Variants in ANAPC2 observed in about 807,000 individuals in gnomAD.
The protein encoded by ANAPC2 is anaphase promoting complex subunit 2.
A neutral mutation model predicts 84.3 loss-of-function variants in ANAPC2; 29 were observed. The observed-to-expected ratio is 0.34, with a 90% CI of 0.26 to 0.47. The LOEUF (loss-of-function observed/expected upper bound fraction) is 0.47, where lower values mean the gene tolerates loss of function less well. ANAPC2 is among the 20% of genes least tolerant of loss of function. The probability of loss-of-function intolerance (pLI) is 1.00; values close to 1 mark genes in which losing one functional copy is unlikely to be tolerated. For missense variants in ANAPC2, 857 were observed against 1,131.7 expected (o/e 0.76, Z 3.48); for synonymous variants, 571 against 479.4 (o/e 1.19, Z -2.50).
chr9:137,181,857 C>T lies in ANAPC2; in HGVS notation c.1292G>A (p.Arg431Gln), dbSNP rs1834350231. The change falls in exon 7 of 13, where the codon CGG becomes CAG. Residue 431 changes from arginine to glutamine, a missense_variant. Transcript: ENST00000323927. ...CACAATCTGCCGCACTGTGTCCTCC[C>T]GCGTCCTGCCGATGTGAGTGCTGCT... Reference protein sequence around the residue: ...CEPIRRYLRTREDTVRQIVAG... With the variant: ...CEPIRRYLRTQEDTVRQIVAG... The T allele has an allele frequency of 6.2e-7, 1 of 1,602,654 alleles. No individual in the cohort carries two copies.
chr9:137,187,979 T>C lies in ANAPC2; in HGVS notation c.242A>G (p.Asn81Ser). 1.2e-6 allele frequency: 2 copies of C among 1,613,882 alleles called. No individual in the cohort carries two copies. Among genetic ancestry groups the C allele is most frequent in the Non-Finnish European group, 1.7e-6 (2 of 1,180,024 alleles). ...AGGGGAGATGTTGGCCTGCAGATCG[T>C]TCTGCAGCACCTCCACGAACCACTC... ...LEEWFVEVLQ[N>S]DLQANISPEF... is the part of the protein sequence containing the mutation. Residue 81 changes from asparagine (N) to serine (S), a missense_variant, in exon 2 of 13, where the codon AAC becomes AGC. This residue lies in a region of ANAPC2 where 428 missense variants were observed against 513.8 expected (regional missense o/e 0.83). Coordinates refer to ENST00000323927, the MANE Select transcript of ANAPC2 (RefSeq NM_013366.4).
Position 137,175,084 on chromosome 9 carries a change from A to G in ANAPC2, c.2327T>C (p.Met776Thr). Residue 776 changes from methionine (M) to threonine (T), a missense_variant, in exon 13 of 13, where the codon ATG becomes ACG. Met to Thr is a moderately conservative substitution (Grantham distance 81). Around this residue, in one of 3 missense-constraint regions of ANAPC2, gnomAD observed 425 missense variants for 595.5 expected, o/e 0.71. Transcript: ENST00000323927. ...ESLSLDRIYN[M>T]LRMFVVTGPA... ...CCCAGTCACCACAAACATGCGGAGC[A>G]TGTTGTAGATACGATCCAGTGAGAG... The G allele has an allele frequency of 6.2e-7, 1 of 1,608,714 alleles. No individual in the cohort carries two copies. Among genetic ancestry groups the G allele is most frequent in the Non-Finnish European group, 8.5e-7 (1 of 1,178,208 alleles).
In ANAPC2 at chr9:137,175,402, G is replaced by A. The variant is rs140009201; in HGVS notation, c.2091C>T (p.Ser697=). The A allele has an allele frequency of 8.7e-4, 1,400 of 1,608,606 alleles. No homozygotes were observed. The highest frequency in any genetic ancestry group is 1.2e-3 in the Admixed American group (72 of 59,674). ...GCAGCACACCCTGCTGCAGCCACACGGACATCCGCCGCCGCAGCAGCGCCA... is the reference window on the plus strand; with the variant it reads ...GCAGCACACCCTGCTGCAGCCACACAGACATCCGCCGCCGCAGCAGCGCCA... ...MPVALLRRRM[S]VWLQQGVLRE... is the part of the protein sequence containing the mutation. The change falls in exon 12 of 13, where the codon TCC becomes TCT. Residue 697 remains serine (S), a synonymous_variant. Transcript: ENST00000323927.
Position 137,187,987 on chromosome 9 carries a change from C to T in ANAPC2, c.234G>A (p.Val78=), listed in dbSNP as rs1271338164. The T allele has an allele frequency of 1.2e-6, 2 of 1,613,758 alleles. No individual in the cohort carries two copies. Among genetic ancestry groups the T allele is most frequent in the Non-Finnish European group, 1.7e-6 (2 of 1,180,040 alleles). Residue 78 remains valine, a synonymous_variant, in exon 2 of 13, where the codon GTG becomes GTA. Transcript: ENST00000323927. ...HSVLEEWFVE[V]LQNDLQANIS... ...TGTTGGCCTGCAGATCGTTCTGCAGCACCTCCACGAACCACTCCTCCAGGA... is the reference window on the plus strand; with the variant it reads ...TGTTGGCCTGCAGATCGTTCTGCAGTACCTCCACGAACCACTCCTCCAGGA...
Position 137,188,535 on chromosome 9 carries a change from G to A in ANAPC2, c.-3C>T, listed in dbSNP as rs1428298305. 18 of 1,605,022 alleles carry A rather than the reference G, an allele frequency of 1.1e-5. No homozygotes were observed. Among genetic ancestry groups the A allele is most frequent in the Non-Finnish European group, 1.4e-5 (17 of 1,177,874 alleles). On this transcript the variant is annotated 5_prime_UTR_variant, in exon 1 of 13. Coordinates refer to ENST00000323927, the MANE Select transcript of ANAPC2 (RefSeq NM_013366.4). ...GCCACCACAACTGCCGCCGCCATCT[G>A]CACCCACCGACTCCGAGATTCGCTC...
At chr9:137,175,594 G>C (rs759110829) in intron 11 of ANAPC2, 114 bp downstream of exon 11, 9 of 1,490,926 alleles carry the variant, frequency 6.0e-6, no homozygotes, top group Non-Finnish European at 8.1e-6. Context: ...GGAAAGGGAA[G>C]GGTGCCGCCT....
intron 8 of ANAPC2, 106 bp from the exon 9 acceptor site, chr9:137,180,633 T>A: frequency 6.4e-7 from 1 of 1,573,062 alleles, no homozygotes; most frequent in Admixed American, 1.7e-5. Flanking sequence ...GGAGCCTGTG[T>A]GGGCACCCCA....
chr9:137,180,304 G>A lies in ANAPC2; in HGVS notation c.1767C>T (p.Phe589=), dbSNP rs141084095. The part of the protein sequence containing the change: ...EKRPAEEQPP[F]GVYAVILSSE... Reference sequence around the variant, plus strand: ...TGGACAGGATGACAGCGTAGACCCCGAACGGTGGCTGCTCCTCTGCTGGCC... The same window carrying A: ...TGGACAGGATGACAGCGTAGACCCCAAACGGTGGCTGCTCCTCTGCTGGCC... Residue 589 remains phenylalanine, a synonymous_variant, in exon 10 of 13, where the codon TTC becomes TTT. Transcript: ENST00000323927. The A allele has an allele frequency of 5.5e-5, 89 of 1,613,498 alleles. No homozygotes were observed. In the African/African-American group the frequency reaches 6.1e-4, roughly 11 times the overall value.
At chr9:137,180,568 C>T (rs1195406541) in intron 8 of ANAPC2, 41 bp from the exon 9 acceptor site, 1 of 1,611,496 alleles carries the variant, frequency 6.2e-7, no homozygotes, top group Admixed American at 1.7e-5. Flanking sequence ...GTGATGAGCC[C>T]CAGCCCCAAG....
At chr9:137,185,203 C>T (rs1834436668) in intron 3 of ANAPC2, 116 bp from the exon 4 acceptor site, 6 of 1,109,998 alleles carry the variant, frequency 5.4e-6, no homozygotes, top group Non-Finnish European at 6.2e-6. Flanking sequence ...GAGGGGAGCC[C>T]GAAGGCCACC....
At chr9:137,179,106 G>C (rs1173667072) in intron 10 of ANAPC2, among the ~76,000 whole-genome samples, 1 of 152,184 alleles carries the variant, frequency 6.6e-6, no homozygotes, top group Non-Finnish European at 1.5e-5. Context: ...GCTCTGTCCT[G>C]AGGCTGCTCC....
At chr9:137,178,697 G>A (rs552940884) in intron 10 of ANAPC2, among the ~76,000 whole-genome samples, 6 of 152,014 alleles carry the variant, frequency 3.9e-5, no homozygotes, top group Admixed American at 2.0e-4. Context: ...CCTTTCCACC[G>A]AGAGCAGGTG....
Position 137,187,369 on chromosome 9 carries a change from G to A in ANAPC2, c.740+112C>T, listed in dbSNP as rs1295402646. ...ATCCCTGGGACTCTCTCTCTGTCAT[G>A]TTCCTGGTTATCAGGACGGCTCACC... On this transcript the variant is annotated intron_variant, in intron 2 of 12. Transcript: ENST00000323927. 4 of 1,381,084 alleles carry A rather than the reference G, an allele frequency of 2.9e-6. No individual in the cohort carries two copies. In the African/African-American group the frequency reaches 5.8e-5, roughly 20 times the overall value. 85.6% of individuals were successfully genotyped at this position (1,381,084 alleles called of 1,614,324 possible).
intron 10 of ANAPC2, 55 bp downstream of exon 10, chr9:137,180,126 C>T (rs55642373): frequency 0.25 from 386,747 of 1,561,002 alleles, 50,131 homozygotes; most frequent in South Asian, 0.34. Context: ...CTGGGAGCCC[C>T]GCAGTGCAGG....
chr9:137,179,949 C>T (rs912219344), intron 10 of ANAPC2, among the ~76,000 whole-genome samples: 4 of 152,272 alleles, frequency 2.6e-5, no homozygotes, highest in South Asian at 2.1e-4. Flanking sequence ...CCCACCCAAG[C>T]GCCTGTGGGC....
intron 3 of ANAPC2, 40 bp from the exon 4 acceptor site, chr9:137,185,127 G>A: frequency 2.0e-6 from 3 of 1,484,214 alleles, no homozygotes; most frequent in Non-Finnish European, 2.7e-6. Context: ...GGGAGGCATG[G>A]TGAGCCCCGG....
intron 6 of ANAPC2, 92 bp downstream of exon 6, chr9:137,183,033 C>T (rs1037386948): frequency 1.8e-5 from 19 of 1,045,406 alleles, no homozygotes; most frequent in African/African-American, 4.7e-5. Context: ...TCCTGACGGC[C>T]GAACACACCC....
At chr9:137,175,559 C>T in intron 11 of ANAPC2, 87 bp from the exon 12 acceptor site, 1 of 1,479,764 alleles carries the variant, frequency 6.8e-7, no homozygotes, top group Non-Finnish European at 9.0e-7. Context: ...TCGGGGGGCT[C>T]CCGGGCCACC....
intron 3 of ANAPC2, 106 bp from the exon 4 acceptor site, chr9:137,185,193 G>T: frequency 7.9e-7 from 1 of 1,270,384 alleles, no homozygotes; most frequent in Non-Finnish European, 1.0e-6. Flanking sequence ...GGCCGGGACC[G>T]AGGGGAGCCC....
Sources: gnomAD v4.1 joint callset for allele counts (sites outside exome capture counted in the v4.1 genomes callset) on GRCh38, gnomAD v4.1.1 for gene constraint, gnomAD v4.1.1 regional missense constraint, MANE v1.5 for transcripts, NCBI Gene and HGNC (gene_info 2026-07-23, HGNC 2026-07-21) for gene names.